Variants in CRY1 observed in about 807,000 individuals in gnomAD.
CRY1 encodes cryptochrome-1.
CRY1 carries 45 observed loss-of-function variants against 76.0 expected under a neutral mutation model. The observed-to-expected ratio is 0.59, with a 90% CI of 0.47 to 0.76. CRY1 has a LOEUF of 0.76. Among genes scored for constraint, CRY1 ranks in the 30% least tolerant of loss-of-function variants. CRY1 has a pLI of 0.00. For missense variants in CRY1, 587 were observed against 716.4 expected (o/e 0.82, Z 2.06); for synonymous variants, 248 against 244.0 (o/e 1.02, Z -0.15).
chr12:107,034,640 A>G (rs569113769), intron 1 of CRY1, among the ~76,000 whole-genome samples: 1 of 152,298 alleles, frequency 6.6e-6, no homozygotes, highest in South Asian at 2.1e-4. Context: ...CAATATTCAG[A>G]AATATGGGGA....
chr12:107,033,467 T>C (rs1044708774), intron 1 of CRY1, among the ~76,000 whole-genome samples: 1 of 152,204 alleles, frequency 6.6e-6, no homozygotes, highest in Non-Finnish European at 1.5e-5. Flanking sequence ...AAGAAAATTA[T>C]AAACTAATTT....
chr12:106,998,030 T>G lies in CRY1; in HGVS notation c.1174A>C (p.Ile392Leu), dbSNP rs1410371019. Residue 392 changes from isoleucine (I) to leucine (L), a missense_variant, in exon 8 of 13, where the codon ATA becomes CTA. Physicochemically the swap from Ile to Leu is conservative, Grantham distance 5. Coordinates refer to ENST00000008527, the MANE Select transcript of CRY1 (RefSeq NM_004075.5). ...EELLLDADWS[I>L]NAGSWMWLSC... ...AGCCACATCCAACTTCCAGCATTTA[T>G]GCTCCAATCTGCATCAAGCAATAAT... 1 of 1,614,026 alleles carries G rather than the reference T, an allele frequency of 6.2e-7. No individual in the cohort carries two copies. Among genetic ancestry groups the G allele is most frequent in the Non-Finnish European group, 8.5e-7 (1 of 1,179,998 alleles).
rs570196810 is a variant in CRY1 at position 107,048,355 on chromosome 12, C to T, written c.159-26163G>A. On this transcript the variant is annotated intron_variant, in intron 1 of 12. Coordinates refer to ENST00000008527, the MANE Select transcript of CRY1 (RefSeq NM_004075.5). Reference sequence around the variant, plus strand: ...TCGGCCTCCCAAAGTGCTGGGATTACAGGCGTGCGCTACTGTGCCCAGCCA... The same window carrying T: ...TCGGCCTCCCAAAGTGCTGGGATTATAGGCGTGCGCTACTGTGCCCAGCCA... Among the ~76,000 whole-genome samples the T allele has an allele frequency of 7.2e-4, 109 of 152,300 alleles. 4 individuals carry two copies. The South Asian group carries it at 0.022, about 30-fold the overall frequency.
rs1324863960 is a variant in CRY1, at chr12:107,009,581, TATATATATATATATATATATAA to T, written c.268-4355_268-4334del. 3.0e-3 allele frequency among the ~76,000 whole-genome samples: 226 copies of T among 74,958 alleles called. 13 individuals are homozygous for T. The highest frequency in any genetic ancestry group is 0.018 in the African/African-American group (181 of 9,834). 49.2% of individuals were successfully genotyped at this position (74,958 alleles called of 152,430 possible). A position where few individuals can be genotyped will look rare whatever the true frequency, so the allele number is the denominator to read the frequency against. On this transcript the variant is annotated intron_variant, in intron 2 of 12. Coordinates refer to ENST00000008527, the MANE Select transcript of CRY1 (RefSeq NM_004075.5). ...AAAAAAACATATATATATATATATA[TATATATATATATATATATATAA>T]AATCTCTATATCTCCAGGTTCACGG...
At chr12:107,047,139 A>C (rs1035740691) in intron 1 of CRY1, among the ~76,000 whole-genome samples, 1 of 152,248 alleles carries the variant, frequency 6.6e-6, no homozygotes, top group Non-Finnish European at 1.5e-5. Flanking sequence ...AAAACAAGAC[A>C]CAACAAATTT....
rs1375279642 is a variant in CRY1 at position 106,999,854 on chromosome 12, C to G, written c.834G>C (p.Lys278Asn). 1 of 1,606,252 alleles carries G rather than the reference C, an allele frequency of 6.2e-7. No homozygotes were observed. The highest frequency in any genetic ancestry group is 1.7e-5 in the Admixed American group (1 of 58,104). Reference sequence around the variant, plus strand: ...AAAGGGAAAGGGGAGGGGAACTGTTCTTCTTTACCTATGGTTAAAAAGCAA... The same window carrying G: ...AAAGGGAAAGGGGAGGGGAACTGTTGTTCTTTACCTATGGTTAAAAAGCAA... ...KLTDLYKKVKKNSSPPLSLYG... is the reference protein window; with the variant it reads ...KLTDLYKKVKNNSSPPLSLYG... The change falls in exon 7 of 13, where the codon AAG (lysine) becomes AAC (asparagine). Residue 278 changes from lysine to asparagine, a missense_variant. Lys to Asn is a moderately conservative substitution (Grantham distance 94). Coordinates refer to ENST00000008527, the MANE Select transcript of CRY1 (RefSeq NM_004075.5).
At position 107,093,185 on chromosome 12, in the gene CRY1, G is replaced by T. The variant is rs1485255807; in HGVS notation, c.-224C>A. On this transcript the variant is annotated 5_prime_UTR_variant, in exon 1 of 13. Transcript: ENST00000008527. Reference sequence around the variant, plus strand: ...AGGTTGCCTAGTCGGCGGAGTCCGGGTGTGACGCCCTTTAGGAGCCCGCGC... The same window carrying T: ...AGGTTGCCTAGTCGGCGGAGTCCGGTTGTGACGCCCTTTAGGAGCCCGCGC... The T allele has an allele frequency of 5.8e-6, 3 of 521,688 alleles. No individual in the cohort carries two copies. The highest frequency in any genetic ancestry group is 9.7e-6 in the Non-Finnish European group (3 of 309,032). The allele number at this position is 521,688 out of a possible 1,614,324, so 32.3% of individuals were successfully genotyped here.
In CRY1 at chr12:107,062,599, T is replaced by C. The variant is rs532242793; in HGVS notation, c.158+30205A>G. 1.1e-4 allele frequency among the ~76,000 whole-genome samples: 16 copies of C among 152,258 alleles called. No individual in the cohort carries two copies. In the South Asian group the frequency reaches 3.1e-3, roughly 30 times the overall value. ...TTCTCCTGGTTTTTCTGTGATAAAA[T>C]AGTAAGTTATCTTGCAGATCTCCCT... On this transcript the variant is annotated intron_variant, in intron 1 of 12. Coordinates refer to ENST00000008527, the MANE Select transcript of CRY1 (RefSeq NM_004075.5).
intron 12 of CRY1, 44 bp downstream of exon 12, chr12:106,992,743 T>A (rs1483403833): frequency 6.9e-7 from 1 of 1,450,010 alleles, no homozygotes; most frequent in African/African-American, 1.4e-5. Context: ...TTATGTTAAT[T>A]ATATACTCTT....
chr12:107,093,139 G>C lies in CRY1; in HGVS notation c.-178C>G. On this transcript the variant is annotated 5_prime_UTR_variant, in exon 1 of 13. Transcript: ENST00000008527. The stretch of plus-strand genomic sequence containing the variant: ...ACCGGAGAAGGCGGGGGCGCCGGAG[G>C]CGCAGTGGAAAGATGAATGGAGGTT... 1 of 707,724 alleles carries C rather than the reference G, an allele frequency of 1.4e-6. No homozygotes were observed. The highest frequency in any genetic ancestry group is 2.2e-6 in the Non-Finnish European group (1 of 454,746). 43.8% of individuals were successfully genotyped at this position (707,724 alleles called of 1,614,324 possible). A position where few individuals can be genotyped will look rare whatever the true frequency, so the allele number is the denominator to read the frequency against.
intron 2 of CRY1, among the ~76,000 whole-genome samples, chr12:107,018,369 C>T (rs1442992521): frequency 6.6e-6 from 1 of 152,122 alleles, no homozygotes; most frequent in Non-Finnish European, 1.5e-5. Flanking sequence ...ACTCCTGGAT[C>T]CTGAAGCCAG....
chr12:107,018,600 A>G lies in CRY1; in HGVS notation c.267+3484T>C, dbSNP rs189402697. ...AGACTCTCTCTCAAAAAATAAAAAT[A>G]AAAATAGAAATAATTAAAAAAAGAA... is the stretch of plus-strand genomic sequence containing the variant. On this transcript the variant is annotated intron_variant, in intron 2 of 12. Coordinates refer to ENST00000008527, the MANE Select transcript of CRY1 (RefSeq NM_004075.5). Among the ~76,000 whole-genome samples, 146 of 152,268 alleles carry G rather than the reference A, an allele frequency of 9.6e-4. 1 individual carries two copies. Among genetic ancestry groups the G allele is most frequent in the African/African-American group, 3.2e-3 (132 of 41,548 alleles).
intron 1 of CRY1, among the ~76,000 whole-genome samples, chr12:107,069,666 A>G (rs1953162549): frequency 7.1e-6 from 1 of 141,460 alleles, no homozygotes; most frequent in Admixed American, 7.5e-5. Flanking sequence ...GTATATATAA[A>G]GTATATATAT....
Position 107,015,105 on chromosome 12 carries a change from C to T in CRY1, c.267+6979G>A, listed in dbSNP as rs887080381. On this transcript the variant is annotated intron_variant, in intron 2 of 12. Coordinates refer to ENST00000008527, the MANE Select transcript of CRY1 (RefSeq NM_004075.5). ...GTTGGTCAGGCTGGTCTTGCACTCC[C>T]GACCTTGTGATCCGCCGGCCTCAGC... Among the ~76,000 whole-genome samples the T allele has an allele frequency of 7.9e-5, 12 of 152,076 alleles. No individual in the cohort carries two copies. In the South Asian group the frequency reaches 8.3e-4, roughly 11 times the overall value.
intron 1 of CRY1, among the ~76,000 whole-genome samples, chr12:107,032,098 CT>C (rs1197744721): frequency 2.8e-4 from 43 of 152,112 alleles, no homozygotes; most frequent in Admixed American, 3.9e-4. Context: ...CCACGCCCGG[CT>C]AATTTTGTAT....
intron 1 of CRY1, among the ~76,000 whole-genome samples, chr12:107,028,481 T>A (rs1162134512): frequency 6.6e-6 from 1 of 152,190 alleles, no homozygotes; most frequent in Non-Finnish European, 1.5e-5. Context: ...TCACTTTTTA[T>A]AACTAATATT....
intron 1 of CRY1, among the ~76,000 whole-genome samples, chr12:107,063,746 C>G (rs1170384815): frequency 6.6e-6 from 1 of 152,128 alleles, no homozygotes; most frequent in African/African-American, 2.4e-5. Context: ...TACAGGCATG[C>G]ACCACCACGC....
At chr12:107,059,630 TC>T (rs1408731747) in intron 1 of CRY1, among the ~76,000 whole-genome samples, 4 of 151,674 alleles carry the variant, frequency 2.6e-5, no homozygotes, top group African/African-American at 9.7e-5. Context: ...AATAAATAGT[TC>T]TCCAATTTAG....
chr12:107,038,010 T>C (rs1430786168), intron 1 of CRY1, among the ~76,000 whole-genome samples: 1 of 152,172 alleles, frequency 6.6e-6, no homozygotes, highest in Non-Finnish European at 1.5e-5. Flanking sequence ...CAGCTGGCCC[T>C]GAATTTGCCT....
Sources: allele counts gnomAD v4.1 joint callset (sites outside exome capture counted in the v4.1 genomes callset), GRCh38; gene constraint gnomAD v4.1.1; transcripts MANE v1.5; gene names NCBI Gene and HGNC (gene_info 2026-07-23, HGNC 2026-07-21).